The following RREB1 variants were observed in gnomAD, a reference collection of about 807,000 sequenced individuals.
RREB1 encodes the protein ras-responsive element-binding protein 1.
Under a neutral mutation model 117.8 loss-of-function variants are expected in RREB1, and 27 were observed. The ratio of observed to expected loss-of-function variants is 0.23; its 90% CI spans 0.17 to 0.32. The LOEUF is 0.32. Among genes scored for constraint, RREB1 ranks in the 10% least tolerant of loss-of-function variants. The pLI is 1.00. For synonymous variants in RREB1, 1,298 were observed against 1,026.7 expected, an observed-to-expected ratio of 1.26 and a Z score of -5.05; for missense variants, 2,577 against 2,378.2, an observed-to-expected ratio of 1.08 and a Z score of -1.74.
chr6:7,242,937 C>G (rs1768803643), intron 11 of RREB1, among the ~76,000 whole-genome samples: 1 of 152,320 alleles, frequency 6.6e-6, no homozygotes, highest in Non-Finnish European at 1.5e-5. Flanking sequence ...CTGTCCTGGA[C>G]AGAGAGGCAG....
At chr6:7,121,932 C>T (rs764905568) in intron 1 of RREB1, among the ~76,000 whole-genome samples, 12 of 152,072 alleles carry the variant, frequency 7.9e-5, no homozygotes, top group East Asian at 1.9e-4. Context: ...GGGTGTGCTC[C>T]GGCCACTCAG....
At chr6:7,183,646 G>A (rs1313087496) in intron 4 of RREB1, 5 of 152,122 alleles carry the variant, frequency 3.3e-5, no homozygotes, top group Non-Finnish European at 7.3e-5. Flanking sequence ...CAGGTGTGAG[G>A]AGGCAACTGT....
chr6:7,143,847 C>G (rs936458684), intron 1 of RREB1, among the ~76,000 whole-genome samples: 1 of 97,164 alleles, frequency 1.0e-5, no homozygotes, highest in African/African-American at 4.6e-5. Context: ...GCCTTTTTTT[C>G]TTTCTTTTTT....
At chr6:7,123,156 G>T (rs1761749818) in intron 1 of RREB1, among the ~76,000 whole-genome samples, 1 of 151,842 alleles carries the variant, frequency 6.6e-6, no homozygotes, top group African/African-American at 2.4e-5. Context: ...GAATGAAGTT[G>T]AATGTGTTTT....
At chr6:7,237,212 A>T (rs1387639153) in intron 10 of RREB1, among the ~76,000 whole-genome samples, 1 of 151,910 alleles carries the variant, frequency 6.6e-6, no homozygotes, top group African/African-American at 2.4e-5. Context: ...CAGCCTCCAG[A>T]GTAGCTGGGA....
At chr6:7,167,349 A>ATTTTTTTTTTTTTTTTTTTTTTTTTTTT (rs777728313) in intron 1 of RREB1, among the ~76,000 whole-genome samples, 1 of 120,060 alleles carries the variant, frequency 8.3e-6, no homozygotes. Context: ...CTGGGACAGG[A>ATTTTTTTTTTTTTTTTTTTTTTTTTTTT]TTTTTTTTTT....
intron 1 of RREB1, among the ~76,000 whole-genome samples, chr6:7,129,562 C>G (rs1008614848): frequency 2.0e-5 from 3 of 152,252 alleles, no homozygotes; most frequent in Non-Finnish European, 4.4e-5. Flanking sequence ...AACCAAGAGG[C>G]AGCACCCAGG....
At position 7,189,123 on chromosome 6, in the gene RREB1, T is replaced by G. The variant is rs377729714; in HGVS notation, c.262-36T>G. ...CTAAGAGCTGAGCTTCTGATGCACT[T>G]TCTTAAGTGACCGCTGTGACCATTG... On this transcript the variant is annotated intron_variant, in intron 5 of 12. Coordinates refer to ENST00000379938, the MANE Select transcript of RREB1 (RefSeq NM_001003699.4). 1.4e-4 allele frequency: 222 copies of G among 1,585,780 alleles called. 2 individuals carry two copies. The highest frequency in any genetic ancestry group is 8.9e-4 in the East Asian group (39 of 43,708).
At chr6:7,198,652 A>G (rs1765787786) in intron 6 of RREB1, among the ~76,000 whole-genome samples, 1 of 152,194 alleles carries the variant, frequency 6.6e-6, no homozygotes, top group Admixed American at 6.5e-5. Context: ...TTGGTACTGT[A>G]GTTTCATTAT....
At position 7,228,495 on chromosome 6, in the gene RREB1, C is replaced by CTTT. The variant is rs568193582; in HGVS notation, c.898-478_898-476dup. On this transcript the variant is annotated intron_variant, in intron 9 of 12. Coordinates refer to ENST00000379938, the MANE Select transcript of RREB1 (RefSeq NM_001003699.4). ...GTGTTAGCAAGCAGGAGAAGGTCAA[C>CTTT]TTTTTTTTTTTTTTTTTTTTTTTTT... 4.1e-4 allele frequency among the ~76,000 whole-genome samples: 37 copies of CTTT among 91,204 alleles called. 4 individuals are homozygous for CTTT. Among genetic ancestry groups the CTTT allele is most frequent in the African/African-American group, 1.5e-3 (32 of 21,790 alleles). The allele number at this position is 91,204 out of a possible 152,430, so 59.8% of individuals were successfully genotyped here.
Position 7,189,251 on chromosome 6 carries a change from G to A in RREB1, c.354G>A (p.Val118=). The stretch of plus-strand genomic sequence containing the variant: ...GCTCCCTCGATCGCCACATGCTGGT[G>A]CACTCTGGCGAGAGGCCTTACAAGT... The part of the protein sequence containing the change: ...SASSLDRHML[V]HSGERPYKCT... Residue 118 remains valine (V), a synonymous_variant, in exon 6 of 13, where the codon GTG becomes GTA. Coordinates refer to ENST00000379938, the MANE Select transcript of RREB1 (RefSeq NM_001003699.4). 6.2e-7 allele frequency: 1 copy of A among 1,610,512 alleles called. No individual in the cohort carries two copies. Among genetic ancestry groups the A allele is most frequent in the Non-Finnish European group, 8.5e-7 (1 of 1,178,158 alleles).
At position 7,230,936 on chromosome 6, in the gene RREB1, G is replaced by C. The variant is rs186299112; in HGVS notation, c.2837G>C (p.Gly946Ala). The C allele has an allele frequency of 1.3e-4, 212 of 1,614,012 alleles. 2 individuals are homozygous for C. The East Asian group carries it at 4.7e-3, about 36-fold the overall frequency. Residue 946 changes from glycine to alanine, a missense_variant, in exon 10 of 13, where the codon GGG becomes GCG. Transcript: ENST00000379938. ...DLSIPKNFRK[G>A]DKDLATPSEA... ...TCCATCCCCAAGAACTTCAGGAAAG[G>C]GGACAAGGATTTGGCCACTCCCAGC... is the stretch of plus-strand genomic sequence containing the variant.
chr6:7,174,409 C>G (rs1291650688), intron 1 of RREB1, among the ~76,000 whole-genome samples: 1 of 152,078 alleles, frequency 6.6e-6, no homozygotes, highest in Non-Finnish European at 1.5e-5. Flanking sequence ...TTCTCTAAAA[C>G]CATCCTCTCC....
rs150650539 is a variant in RREB1, at chr6:7,189,005, T to C, written c.262-154T>C. Among the ~76,000 whole-genome samples the C allele has an allele frequency of 7.9e-5, 12 of 152,290 alleles. No homozygotes were observed. In the East Asian group the frequency reaches 1.7e-3, roughly 22 times the overall value. ...TTATTTGCCTGTTTTCCTGATACAT[T>C]TTACCCCTTCAGAAAGATATTTAAA... On this transcript the variant is annotated intron_variant, in intron 5 of 12. Transcript: ENST00000379938.
In RREB1 at chr6:7,181,691, G is replaced by T. The variant is rs1764802516; in HGVS notation, c.-42-179G>T. ...GGTTACTTCGTCCTTGGTATGCCAAGACTTGGTTTAAATGAAAGCTTCCAT... is the reference window on the plus strand; with the variant it reads ...GGTTACTTCGTCCTTGGTATGCCAATACTTGGTTTAAATGAAAGCTTCCAT... On this transcript the variant is annotated intron_variant, in intron 3 of 12. Transcript: ENST00000379938. 2.8e-5 allele frequency: 18 copies of T among 633,764 alleles called. No individual in the cohort carries two copies. In the South Asian group the frequency reaches 3.4e-4, roughly 12 times the overall value. The allele number at this position is 633,764 out of a possible 1,614,324, so 39.3% of individuals were successfully genotyped here.
chr6:7,157,964 T>C (rs1261545687), intron 1 of RREB1, among the ~76,000 whole-genome samples: 1 of 152,118 alleles, frequency 6.6e-6, no homozygotes. Flanking sequence ...CAGGGGTGTT[T>C]TCATGTTCTC....
chr6:7,241,016 G>C (rs780909561), intron 11 of RREB1, among the ~76,000 whole-genome samples: 7 of 152,146 alleles, frequency 4.6e-5, no homozygotes, highest in Non-Finnish European at 8.8e-5. Flanking sequence ...GCCTCCTCGG[G>C]AGCAGGCCTG....
At chr6:7,167,274 T>C (rs1051938407) in intron 1 of RREB1, among the ~76,000 whole-genome samples, 2 of 152,158 alleles carry the variant, frequency 1.3e-5, no homozygotes, top group African/African-American at 4.8e-5. Flanking sequence ...GCTGTTCTCA[T>C]TGGCCAGGGG....
intron 1 of RREB1, among the ~76,000 whole-genome samples, chr6:7,142,992 C>T (rs1032435236): frequency 6.6e-6 from 1 of 152,192 alleles, no homozygotes; most frequent in African/African-American, 2.4e-5. Flanking sequence ...CCTAATAAAG[C>T]TTTCAAAACT....
Sources: gnomAD v4.1 joint callset for allele counts (sites outside exome capture counted in the v4.1 genomes callset) on GRCh38, gnomAD v4.1.1 for gene constraint, MANE v1.5 for transcripts, NCBI Gene and HGNC (gene_info 2026-07-23, HGNC 2026-07-21) for gene names.